The following ROBO2 variants were observed in gnomAD, a reference collection of about 807,000 sequenced individuals.
ROBO2 encodes the protein roundabout guidance receptor 2.
ROBO2 carries 53 observed loss-of-function variants against 160.8 expected under a neutral mutation model. That is an observed-to-expected ratio of 0.33 (90% CI 0.26 to 0.41). The LOEUF (loss-of-function observed/expected upper bound fraction) is 0.41. Ranked by LOEUF, ROBO2 falls within the 10% of genes least tolerant of loss-of-function variation. The pLI, the probability that ROBO2 is intolerant of heterozygous loss-of-function variation, is 1.00. For synonymous variants in ROBO2, 664 were observed against 611.7 expected, an observed-to-expected ratio of 1.09 and a Z score of -1.26; for missense variants, 1,577 against 1,722.4, an observed-to-expected ratio of 0.92 and a Z score of 1.49.
At chr3:77,311,997 A>G (rs1468044743) in intron 2 of ROBO2, among the ~76,000 whole-genome samples, 1 of 152,066 alleles carries the variant, frequency 6.6e-6, no homozygotes. Context: ...GAGGCAGGAG[A>G]ACTGCTTGAA....
At chr3:76,201,593 C>T (rs1344795400) in intron 2 of ROBO2, among the ~76,000 whole-genome samples, 4 of 152,078 alleles carry the variant, frequency 2.6e-5, no homozygotes, top group African/African-American at 9.7e-5. Context: ...GTTGCCGTTA[C>T]CCTCTTCAAA....
intron 2 of ROBO2, among the ~76,000 whole-genome samples, chr3:76,463,625 T>C (rs548832743): frequency 1.7e-4 from 26 of 152,174 alleles, no homozygotes; most frequent in South Asian, 4.1e-4. Flanking sequence ...GGCTCATTTA[T>C]AGTTACCACC....
intron 2 of ROBO2, among the ~76,000 whole-genome samples, chr3:76,978,881 T>G (rs1197209051): frequency 1.3e-5 from 2 of 152,032 alleles, no homozygotes; most frequent in Admixed American, 6.6e-5. Flanking sequence ...TTACTTTTTT[T>G]TGTGTAAATA....
At chr3:77,438,212 C>A (rs1314446420) in intron 2 of ROBO2, among the ~76,000 whole-genome samples, 1 of 151,184 alleles carries the variant, frequency 6.6e-6, no homozygotes, top group Non-Finnish European at 1.5e-5. Flanking sequence ...TAGATAGATA[C>A]ATAGATAGAT....
chr3:77,309,732 C>T (rs1415568203), intron 2 of ROBO2, among the ~76,000 whole-genome samples: 1 of 152,176 alleles, frequency 6.6e-6, no homozygotes, highest in African/African-American at 2.4e-5. Context: ...GAGACACTGA[C>T]CTAGCTGAAA....
intron 2 of ROBO2, among the ~76,000 whole-genome samples, chr3:77,325,470 C>T (rs2065283060): frequency 6.6e-6 from 1 of 152,220 alleles, no homozygotes; most frequent in Non-Finnish European, 1.5e-5. Flanking sequence ...CAAGCTGCTG[C>T]TGTCTGGTGC....
At chr3:76,472,818 C>G (rs528535340) in intron 2 of ROBO2, among the ~76,000 whole-genome samples, 1 of 152,148 alleles carries the variant, frequency 6.6e-6, no homozygotes, top group African/African-American at 2.4e-5. Context: ...CCAATGATTT[C>G]CTGTTATTAA....
At chr3:75,946,100 C>T (rs1217125163) in intron 2 of ROBO2, among the ~76,000 whole-genome samples, 2 of 152,004 alleles carry the variant, frequency 1.3e-5, no homozygotes, top group East Asian at 1.9e-4. Flanking sequence ...AAAAATTGAT[C>T]GTATGCTGCT....
At chr3:76,696,296 A>G (rs558112750) in intron 2 of ROBO2, among the ~76,000 whole-genome samples, 6 of 152,100 alleles carry the variant, frequency 3.9e-5, no homozygotes, top group Non-Finnish European at 7.3e-5. Context: ...ATCAACAAAG[A>G]CGTAATATTG....
At chr3:76,116,230 C>A (rs2070464849) in intron 2 of ROBO2, among the ~76,000 whole-genome samples, 1 of 152,038 alleles carries the variant, frequency 6.6e-6, no homozygotes, top group Non-Finnish European at 1.5e-5. Context: ...ATGAGTAGAT[C>A]TTCTATTACA....
At chr3:76,174,881 T>G (rs2107040196) in intron 2 of ROBO2, among the ~76,000 whole-genome samples, 1 of 152,214 alleles carries the variant, frequency 6.6e-6, no homozygotes, top group Non-Finnish European at 1.5e-5. Context: ...TTAAGGTAGG[T>G]TTTTCTAGTT....
intron 2 of ROBO2, among the ~76,000 whole-genome samples, chr3:76,668,999 C>CT (rs1207356766): frequency 2.0e-5 from 3 of 152,000 alleles, no homozygotes; most frequent in Non-Finnish European, 2.9e-5. Flanking sequence ...CATGAGACGC[C>CT]TTTTTTGTAG....
At chr3:76,414,777 AAAG>A (rs2075681437) in intron 2 of ROBO2, among the ~76,000 whole-genome samples, 1 of 151,834 alleles carries the variant, frequency 6.6e-6, no homozygotes, top group Non-Finnish European at 1.5e-5. Context: ...TTAAAAAAAA[AAAG>A]AAAAAGACAA....
At chr3:77,582,171 T>C (rs993247777) in intron 16 of ROBO2, among the ~76,000 whole-genome samples, 8 of 152,286 alleles carry the variant, frequency 5.3e-5, no homozygotes, top group African/African-American at 1.9e-4. Flanking sequence ...AGGTGATCTC[T>C]GCTCACTGCA....
chr3:76,030,021 G>T (rs375155920), intron 2 of ROBO2, among the ~76,000 whole-genome samples: 12 of 152,088 alleles, frequency 7.9e-5, no homozygotes, highest in Admixed American at 4.6e-4. Context: ...ATCCTCTCCA[G>T]CACCTGTTGT....
At chr3:77,221,533 C>T (rs1314158580) in intron 2 of ROBO2, among the ~76,000 whole-genome samples, 6 of 151,942 alleles carry the variant, frequency 3.9e-5, no homozygotes, top group South Asian at 2.1e-4. Flanking sequence ...ATTTGTTGTC[C>T]GCCCCCTCTT....
intron 2 of ROBO2, among the ~76,000 whole-genome samples, chr3:77,267,534 G>T (rs546306201): frequency 1.3e-5 from 2 of 152,294 alleles, no homozygotes; most frequent in African/African-American, 4.8e-5. Context: ...AAGAATAAGG[G>T]TGCTTGTTAG....
At chr3:77,646,012 G>A (rs1210000390) in intron 25 of ROBO2, 42 bp from the exon 28 acceptor site, 1 of 1,463,172 alleles carries the variant, frequency 6.8e-7, no homozygotes, top group South Asian at 1.2e-5. Flanking sequence ...AAAGCAGAAT[G>A]CTTAATTTAT....
At chr3:77,591,460 G>A (rs887088119) in intron 17 of ROBO2, among the ~76,000 whole-genome samples, 4 of 152,070 alleles carry the variant, frequency 2.6e-5, no homozygotes, top group African/African-American at 4.8e-5. Flanking sequence ...ATCCTGTGAG[G>A]TAATATTAGA....
Sources: gnomAD v4.1 joint callset for allele counts (sites outside exome capture counted in the v4.1 genomes callset) on GRCh38, gnomAD v4.1.1 for gene constraint, MANE v1.5 for transcripts, NCBI Gene and HGNC (gene_info 2026-07-23, HGNC 2026-07-21) for gene names.